ACTR3C: variants seen among roughly 807,000 people sequenced by gnomAD.
ACTR3C encodes actin related protein 3C, also known as actin-related protein 3C.
A neutral mutation model predicts 26.3 loss-of-function variants in ACTR3C; 18 were observed. The observed-to-expected ratio is 0.68, with a 90% CI of 0.47 to 1.01. The LOEUF is 1.01. Ranked by LOEUF, ACTR3C falls within the 50% of genes least tolerant of loss-of-function variation. The pLI, the probability that ACTR3C is intolerant of heterozygous loss-of-function variation, is 0.00. For synonymous variants in ACTR3C, 55 were observed against 94.5 expected (o/e 0.58, Z 2.42); for missense variants, 184 against 250.7 (o/e 0.73, Z 1.80).
chr7:149,884,914 C>A, the ACTR3C span, among the ~76,000 whole-genome samples: 1 of 152,228 alleles, frequency 6.6e-6, no homozygotes, highest in East Asian at 1.9e-4. Context: ...ACATTTTAAA[C>A]CAGCTCCCAA....
the ACTR3C span, among the ~76,000 whole-genome samples, chr7:150,231,463 G>A: frequency 1.3e-5 from 2 of 151,398 alleles, no homozygotes; most frequent in South Asian, 2.1e-4. Flanking sequence ...CTCTCACCAC[G>A]TGATCACTGA....
the ACTR3C span, among the ~76,000 whole-genome samples, chr7:150,137,618 C>T: frequency 3.3e-5 from 5 of 151,064 alleles, no homozygotes; most frequent in African/African-American, 9.7e-5. Context: ...AGGTTGTCTT[C>T]GCTCAGGGGT....
At chr7:149,925,802 C>G in the ACTR3C span, among the ~76,000 whole-genome samples, 7 of 152,036 alleles carry the variant, frequency 4.6e-5, no homozygotes, top group Non-Finnish European at 1.0e-4. Context: ...TGGCTCACAT[C>G]TATAATCCCA....
At chr7:150,264,388 T>C (rs1833873747) in intron 6 of ACTR3C, among the ~76,000 whole-genome samples, 1 of 152,216 alleles carries the variant, frequency 6.6e-6, no homozygotes, top group Non-Finnish European at 1.5e-5. Flanking sequence ...GCATGAATAC[T>C]GGCAAGATTT....
the ACTR3C span, among the ~76,000 whole-genome samples, chr7:149,989,702 C>T: frequency 6.6e-6 from 1 of 152,166 alleles, no homozygotes; most frequent in South Asian, 2.1e-4. Context: ...GGGAATGTTT[C>T]CATATCCTGG....
the ACTR3C span, among the ~76,000 whole-genome samples, chr7:150,015,212 A>G: frequency 3.9e-5 from 6 of 152,144 alleles, no homozygotes; most frequent in Admixed American, 3.9e-4. Context: ...CCCGTAGACA[A>G]TGGAACCCGC....
At chr7:149,924,597 G>A in the ACTR3C span, among the ~76,000 whole-genome samples, 3 of 152,204 alleles carry the variant, frequency 2.0e-5, no homozygotes, top group Middle Eastern at 3.4e-3. Flanking sequence ...GAAAGGAAGA[G>A]GTAAAACAAT....
the ACTR3C span, among the ~76,000 whole-genome samples, chr7:149,894,450 G>A: frequency 2.6e-5 from 4 of 152,086 alleles, no homozygotes; most frequent in African/African-American, 9.7e-5. Flanking sequence ...AGAGTGAAGA[G>A]ACAATCTATA....
At chr7:150,180,391 T>C in the ACTR3C span, among the ~76,000 whole-genome samples, 1 of 150,936 alleles carries the variant, frequency 6.6e-6, no homozygotes, top group Non-Finnish European at 1.5e-5. Context: ...TCTAGAATGT[T>C]TGCCATTTTT....
the ACTR3C span, among the ~76,000 whole-genome samples, chr7:149,944,099 G>A: frequency 7.0e-6 from 1 of 143,454 alleles, no homozygotes; most frequent in East Asian, 2.0e-4. Context: ...TTCAGCCAGT[G>A]TGTGCTGCTT....
chr7:150,184,499 G>A, the ACTR3C span, among the ~76,000 whole-genome samples: 8 of 150,278 alleles, frequency 5.3e-5, 2 homozygotes, highest in Admixed American at 2.0e-4. Context: ...AGATGCATAG[G>A]GCCAGAGGTG....
At chr7:150,036,938 G>A in the ACTR3C span, among the ~76,000 whole-genome samples, 1 of 97,514 alleles carries the variant, frequency 1.0e-5, no homozygotes. Flanking sequence ...GGGGTCCTAA[G>A]AGCCAGTGGG....
At chr7:149,950,350 G>T in the ACTR3C span, among the ~76,000 whole-genome samples, 188 of 146,666 alleles carry the variant, frequency 1.3e-3, 31 homozygotes, top group African/African-American at 4.8e-3. Context: ...GCTGCGAGAC[G>T]GGGGGAGGGA....
the ACTR3C span, among the ~76,000 whole-genome samples, chr7:149,937,432 C>T: frequency 6.6e-6 from 1 of 151,756 alleles, no homozygotes; most frequent in Non-Finnish European, 1.5e-5. Flanking sequence ...GAAAGACTTC[C>T]ATTTAAACAT....
At chr7:150,200,655 C>T in the ACTR3C span, among the ~76,000 whole-genome samples, 2 of 152,114 alleles carry the variant, frequency 1.3e-5, no homozygotes, top group African/African-American at 2.4e-5. Flanking sequence ...GCACAACTGC[C>T]TTGAAAAACT....
At chr7:150,150,010 C>T in the ACTR3C span, among the ~76,000 whole-genome samples, 1 of 152,140 alleles carries the variant, frequency 6.6e-6, no homozygotes, top group Admixed American at 6.5e-5. Flanking sequence ...CAATGAAATG[C>T]ACCTGCTGCC....
chr7:149,988,127 C>A, the ACTR3C span, among the ~76,000 whole-genome samples: 1 of 152,232 alleles, frequency 6.6e-6, no homozygotes, highest in Non-Finnish European at 1.5e-5. Flanking sequence ...GCCCACCGCA[C>A]ATTGCTGGCT....
rs938724979 is a variant in ACTR3C, at chr7:150,301,953, G to A, written c.-51-6606C>T. ...CTTCTGGAGACAGACGGTGGCAATG[G>A]TTTGTGAATGTGCCTAATGCCACCA... On this transcript the variant is annotated intron_variant, in intron 1 of 7. Transcript: ENST00000683684. 2.0e-5 allele frequency among the ~76,000 whole-genome samples: 3 copies of A among 152,218 alleles called. No homozygotes were observed. In the East Asian group the frequency reaches 5.8e-4, roughly 29 times the overall value.
chr7:149,952,973 A>G, the ACTR3C span, among the ~76,000 whole-genome samples: 1 of 152,148 alleles, frequency 6.6e-6, no homozygotes, highest in Admixed American at 6.5e-5. Flanking sequence ...ATCTTATCCT[A>G]AGGAAATTAT....
Sources: gnomAD v4.1 joint callset for allele counts (sites outside exome capture counted in the v4.1 genomes callset) on GRCh38, gnomAD v4.1.1 for gene constraint, MANE v1.5 for transcripts, NCBI Gene and HGNC (gene_info 2026-07-23, HGNC 2026-07-21) for gene names.